NFIB: variants seen among roughly 807,000 people sequenced by gnomAD.
The protein encoded by NFIB is nuclear factor I B.
In NFIB, 11 loss-of-function variants were observed where a neutral mutation model predicts 61.5. That is an observed-to-expected ratio of 0.18 (90% CI 0.11 to 0.30). NFIB has a LOEUF of 0.30. Among genes scored for constraint, NFIB ranks in the 10% least tolerant of loss-of-function variants. The probability of loss-of-function intolerance (pLI) is 1.00; values close to 1 mark genes in which losing one functional copy is unlikely to be tolerated. For missense variants in NFIB, 471 were observed against 608.9 expected, an observed-to-expected ratio of 0.77 and a Z score of 2.38; for synonymous variants, 260 against 216.5, an observed-to-expected ratio of 1.20 and a Z score of -1.76.
At chr9:14,419,918 G>T in the NFIB span, among the ~76,000 whole-genome samples, 1 of 152,248 alleles carries the variant, frequency 6.6e-6, no homozygotes, top group East Asian at 1.9e-4. Context: ...TAGTTTAAAG[G>T]AACTACAACA....
chr9:14,270,687 T>C (rs1458665024), intron 2 of NFIB, among the ~76,000 whole-genome samples: 1 of 151,500 alleles, frequency 6.6e-6, no homozygotes, highest in Non-Finnish European at 1.5e-5. Flanking sequence ...GTTCCAAGAC[T>C]GATTTTAATT....
Position 14,255,228 on chromosome 9 carries a change from A to C in NFIB, c.562+51761T>G, listed in dbSNP as rs535338335. Reference sequence around the variant, plus strand: ...ACAAAGTGAAACCCTGACTCAAAAAAAGAAAGAAAGAAAGAAAAAAGAAAC... The same window carrying C: ...ACAAAGTGAAACCCTGACTCAAAAACAGAAAGAAAGAAAGAAAAAAGAAAC... On this transcript the variant is annotated intron_variant, in intron 2 of 10. Transcript: ENST00000380953. Among the ~76,000 whole-genome samples, 11 of 152,242 alleles carry C rather than the reference A, an allele frequency of 7.2e-5. No individual in the cohort carries two copies. The East Asian group carries it at 2.1e-3, about 29-fold the overall frequency.
chr9:14,239,380 T>C (rs1339475112), intron 2 of NFIB, among the ~76,000 whole-genome samples: 2 of 152,168 alleles, frequency 1.3e-5, no homozygotes, highest in African/African-American at 2.4e-5. Flanking sequence ...TTACTTCAAA[T>C]GAATAAGGTT....
chr9:14,162,087 A>G (rs2044265925), intron 3 of NFIB, among the ~76,000 whole-genome samples: 1 of 152,168 alleles, frequency 6.6e-6, no homozygotes, highest in Admixed American at 6.5e-5. Flanking sequence ...TCACCAGAAC[A>G]TTAAGAAACA....
Position 14,313,434 on chromosome 9 carries a change from G to T in NFIB, c.30+48C>A, listed in dbSNP as rs1242178635. On this transcript the variant is annotated intron_variant, in intron 1 of 10. Coordinates refer to ENST00000380953, the MANE Select transcript of NFIB (RefSeq NM_001190737.2). This position sits in a 1 kb window ranked among gnomAD's most constrained non-coding sequence, Gnocchi z 4.5. ...TTGTCCGCAACAAAACAAAACAAAG[G>T]CATTTCGGGCCAGAGAGAAAGCTCG... 1 of 1,612,550 alleles carries T rather than the reference G, an allele frequency of 6.2e-7. No homozygotes were observed. Among genetic ancestry groups the T allele is most frequent in the Admixed American group, 1.7e-5 (1 of 59,958 alleles).
intron 6 of NFIB, among the ~76,000 whole-genome samples, chr9:14,143,127 T>G (rs1174230154): frequency 1.3e-5 from 2 of 152,144 alleles, no homozygotes; most frequent in African/African-American, 2.4e-5. Context: ...TGTCTATATT[T>G]GCAGAAGTAT....
chr9:14,311,646 T>C lies in NFIB; in HGVS notation c.30+1836A>G, dbSNP rs146873197. Among the ~76,000 whole-genome samples, 1,010 of 152,326 alleles carry C rather than the reference T, an allele frequency of 6.6e-3. 9 individuals carry two copies. The highest frequency in any genetic ancestry group is 0.023 in the African/African-American group (966 of 41,574). ...TCCCTGTCTCAATGCTGCAATATTA[T>C]CTTTAACTTACACAAATTAAGATAA... On this transcript the variant is annotated intron_variant, in intron 1 of 10. Coordinates refer to ENST00000380953, the MANE Select transcript of NFIB (RefSeq NM_001190737.2).
chr9:14,156,683 C>T (rs1009240768), intron 3 of NFIB, among the ~76,000 whole-genome samples: 4 of 152,192 alleles, frequency 2.6e-5, no homozygotes, highest in African/African-American at 2.4e-5. Context: ...GAGATGAGAA[C>T]TCCCACAAAC....
At chr9:14,473,930 G>T in the NFIB span, among the ~76,000 whole-genome samples, 2 of 152,104 alleles carry the variant, frequency 1.3e-5, no homozygotes, top group Non-Finnish European at 2.9e-5. Context: ...TATTGACTGT[G>T]GCACAGGCTT....
chr9:14,270,908 G>A (rs1216341683), intron 2 of NFIB, among the ~76,000 whole-genome samples: 3 of 152,074 alleles, frequency 2.0e-5, no homozygotes, highest in East Asian at 3.9e-4. Flanking sequence ...CTGAGTCTCC[G>A]TAGGCCCTTC....
intron 3 of NFIB, among the ~76,000 whole-genome samples, chr9:14,178,879 G>A (rs2046445977): frequency 6.6e-6 from 1 of 152,028 alleles, no homozygotes; most frequent in Admixed American, 6.6e-5. Flanking sequence ...TAAACTTTCT[G>A]GTTTATTTTC....
At chr9:14,274,974 T>C (rs536519223) in intron 2 of NFIB, among the ~76,000 whole-genome samples, 3 of 152,178 alleles carry the variant, frequency 2.0e-5, no homozygotes, top group African/African-American at 7.2e-5. Flanking sequence ...AGATAAGAGA[T>C]AGTGAGGTTT....
At chr9:14,194,772 G>A (rs182083290) in intron 2 of NFIB, among the ~76,000 whole-genome samples, 21 of 152,222 alleles carry the variant, frequency 1.4e-4, no homozygotes, top group Non-Finnish European at 2.6e-4. Context: ...TTAGAAATGG[G>A]ATGACAGCAA....
the NFIB span, among the ~76,000 whole-genome samples, chr9:14,523,724 C>A: frequency 6.6e-6 from 1 of 152,124 alleles, no homozygotes; most frequent in African/African-American, 2.4e-5. Context: ...GACCCCTGAA[C>A]GATCTCAGTC....
intron 1 of NFIB, among the ~76,000 whole-genome samples, chr9:14,360,548 CTTT>C (rs545386396): frequency 2.8e-5 from 4 of 140,524 alleles, no homozygotes; most frequent in Admixed American, 7.1e-5. Flanking sequence ...CTGTTTTTTT[CTTT>C]TTTTTTTTTT....
intron 2 of NFIB, among the ~76,000 whole-genome samples, chr9:14,246,863 A>C (rs2054990655): frequency 6.6e-6 from 1 of 152,216 alleles, no homozygotes; most frequent in Admixed American, 6.5e-5. Context: ...ATTTGGAGAC[A>C]GGGTCTTTAT....
chr9:14,410,211 A>G, the NFIB span, among the ~76,000 whole-genome samples: 1 of 152,092 alleles, frequency 6.6e-6, no homozygotes, highest in East Asian at 1.9e-4. Flanking sequence ...AAAAAAAAAA[A>G]ACTTTTCCAA....
At chr9:14,359,266 G>C (rs955676595) in intron 1 of NFIB, among the ~76,000 whole-genome samples, 1 of 152,216 alleles carries the variant, frequency 6.6e-6, no homozygotes, top group African/African-American at 2.4e-5. Context: ...CTTTGCACGT[G>C]TGACTAGGTT....
chr9:14,496,704 C>T, the NFIB span, among the ~76,000 whole-genome samples: 1 of 152,280 alleles, frequency 6.6e-6, no homozygotes, highest in East Asian at 1.9e-4. Flanking sequence ...TGCTGCTCCC[C>T]AGCAAAGAAA....
Sources: allele counts gnomAD v4.1 joint callset (sites outside exome capture counted in the v4.1 genomes callset), GRCh38; gene constraint gnomAD v4.1.1; non-coding constraint Gnocchi (gnomAD v3.1); transcripts MANE v1.5; gene names NCBI Gene and HGNC (gene_info 2026-07-23, HGNC 2026-07-21).